The following KCNJ10 variants were observed in gnomAD, a reference collection of about 807,000 sequenced individuals.
KCNJ10 encodes the protein potassium inwardly rectifying channel subfamily J member 10.
Under a neutral mutation model 22.2 loss-of-function variants are expected in KCNJ10, and 9 were observed. The ratio of observed to expected loss-of-function variants is 0.40; its 90% CI spans 0.24 to 0.71. The LOEUF (loss-of-function observed/expected upper bound fraction) is 0.71. Among genes scored for constraint, KCNJ10 ranks in the 30% least tolerant of loss-of-function variants. The pLI, the probability that KCNJ10 is intolerant of heterozygous loss-of-function variation, is 0.35. For missense variants in KCNJ10, 337 were observed against 482.7 expected (o/e 0.70, Z 2.83); for synonymous variants, 184 against 187.3 (o/e 0.98, Z 0.15).
At chr1:160,068,710 G>A (rs561022305) in intron 1 of KCNJ10, among the ~76,000 whole-genome samples, 10 of 152,314 alleles carry the variant, frequency 6.6e-5, no homozygotes, top group Admixed American at 6.5e-4. Context: ...AAATTTACAA[G>A]CCCTACCACT....
intron 1 of KCNJ10, among the ~76,000 whole-genome samples, chr1:160,050,307 T>TC (rs1648870604): frequency 6.6e-6 from 1 of 151,296 alleles, no homozygotes. Flanking sequence ...CTAATTTTTT[T>TC]TTTTTTGTAG....
At chr1:160,054,364 C>G (rs1648975461) in intron 1 of KCNJ10, among the ~76,000 whole-genome samples, 1 of 152,152 alleles carries the variant, frequency 6.6e-6, no homozygotes, top group East Asian at 1.9e-4. Context: ...CCAGCAATCC[C>G]AGTAGCCTCC....
At chr1:160,049,689 A>ATATATATATATATATATATT (rs1557970394) in intron 1 of KCNJ10, among the ~76,000 whole-genome samples, 45 of 108,554 alleles carry the variant, frequency 4.1e-4, no homozygotes, top group Non-Finnish European at 3.0e-4. Context: ...ATATATATAT[A>ATATATATATATATATATATT]TATATATATA....
chr1:160,042,936 C>CAA (rs57965630), intron 1 of KCNJ10, among the ~76,000 whole-genome samples: 12,699 of 136,218 alleles, frequency 0.093, 834 homozygotes, highest in East Asian at 0.3. Context: ...GACTCCGTCT[C>CAA]AAAAAAAAAA....
intron 1 of KCNJ10, among the ~76,000 whole-genome samples, chr1:160,049,691 A>ATATATATATATATATATATT (rs1648848454): frequency 1.6e-4 from 18 of 113,468 alleles, no homozygotes; most frequent in Non-Finnish European, 2.9e-4. Context: ...ATATATATAT[A>ATATATATATATATATATATT]TATATATATA....
intron 1 of KCNJ10, among the ~76,000 whole-genome samples, chr1:160,056,041 C>A: frequency 6.6e-6 from 1 of 152,096 alleles, no homozygotes; most frequent in East Asian, 1.9e-4. Flanking sequence ...ACTAGGTGCC[C>A]AAGCCTTAGA....
intron 1 of KCNJ10, among the ~76,000 whole-genome samples, chr1:160,050,997 G>A (rs988863650): frequency 8.6e-5 from 13 of 151,998 alleles, no homozygotes; most frequent in African/African-American, 2.9e-4. Context: ...AGGCTGGAGT[G>A]CAGTGATGCA....
At chr1:160,049,793 G>C (rs1456233869) in intron 1 of KCNJ10, among the ~76,000 whole-genome samples, 4 of 143,966 alleles carry the variant, frequency 2.8e-5, no homozygotes, top group African/African-American at 5.1e-5. Flanking sequence ...TGAATTAAAA[G>C]TAGGAGGGGA....
Position 160,042,427 on chromosome 1 carries a change from G to A in KCNJ10, c.106C>T (p.Arg36Cys), listed in dbSNP as rs1256202581. Reference sequence around the variant, plus strand: ...ATGTGCTCCATTCTCACGTTGCTGCGACCATCTTTTGTCAGGACTCTCCGC... The same window carrying A: ...ATGTGCTCCATTCTCACGTTGCTGCAACCATCTTTTGTCAGGACTCTCCGC... ...RRRRVLTKDG[R>C]SNVRMEHIAD... Residue 36 changes from arginine (R) to cysteine (C), a missense_variant, in exon 2 of 2, where the codon CGC becomes TGC. Arg to Cys is a radical substitution (Grantham distance 180, BLOSUM62 -3). Coordinates refer to ENST00000644903, the MANE Select transcript of KCNJ10 (RefSeq NM_002241.5). The A allele has an allele frequency of 2.5e-6, 4 of 1,614,194 alleles. No individual in the cohort carries two copies. The highest frequency in any genetic ancestry group is 2.2e-5 in the East Asian group (1 of 44,884).
At chr1:160,069,406 G>A (rs373178018) in intron 1 of KCNJ10, among the ~76,000 whole-genome samples, 4 of 152,320 alleles carry the variant, frequency 2.6e-5, no homozygotes, top group African/African-American at 4.8e-5. Context: ...ATCCCAGTGC[G>A]AAACAGCTGG....
At chr1:160,065,376 G>A (rs893058312) in intron 1 of KCNJ10, among the ~76,000 whole-genome samples, 2 of 152,162 alleles carry the variant, frequency 1.3e-5, no homozygotes, top group Non-Finnish European at 1.5e-5. Flanking sequence ...TTTGCTGGGT[G>A]CCAGAGGGTC....
chr1:160,065,489 A>G (rs1649303479), intron 1 of KCNJ10, among the ~76,000 whole-genome samples: 1 of 152,194 alleles, frequency 6.6e-6, no homozygotes, highest in South Asian at 2.1e-4. Context: ...CAACATCGCC[A>G]TGCATGGAGA....
intron 1 of KCNJ10, among the ~76,000 whole-genome samples, chr1:160,047,103 A>G (rs1241257324): frequency 6.6e-6 from 1 of 152,132 alleles, no homozygotes; most frequent in Non-Finnish European, 1.5e-5. Context: ...TTCTTCCTGA[A>G]GCTGTCTTTT....
chr1:160,065,223 T>C (rs984273627), intron 1 of KCNJ10, among the ~76,000 whole-genome samples: 1 of 152,060 alleles, frequency 6.6e-6, no homozygotes, highest in Non-Finnish European at 1.5e-5. Context: ...AATTAGATAA[T>C]AGGATCCTAT....
chr1:160,046,856 T>C (rs1280733239), intron 1 of KCNJ10, among the ~76,000 whole-genome samples: 1 of 152,114 alleles, frequency 6.6e-6, no homozygotes, highest in South Asian at 2.1e-4. Context: ...TAAAACATAC[T>C]CTTTCCTCTA....
At position 160,038,318 on chromosome 1, in the gene KCNJ10, G is replaced by A. The variant is rs1197782494; in HGVS notation, c.*3075C>T. ...GCGCTACAGTGGCAGGACGCTGCTG[G>A]GGATGGGGACACACAGTGTAAGTGG... On this transcript the variant is annotated 3_prime_UTR_variant, in exon 2 of 2. Transcript: ENST00000644903. 6.6e-6 allele frequency: 1 copy of A among 152,138 alleles called. No individual in the cohort carries two copies. Among genetic ancestry groups the A allele is most frequent in the Non-Finnish European group, 1.5e-5 (1 of 68,030 alleles). The allele number at this position is 152,138 out of a possible 1,614,324, so 9.4% of individuals were successfully genotyped here.
chr1:160,065,180 T>G (rs998710654), intron 1 of KCNJ10: 1 of 152,138 alleles, frequency 6.6e-6, no homozygotes, highest in Non-Finnish European at 1.5e-5. Context: ...GGGTCGTTAG[T>G]AGGAGAGGGG....
chr1:160,049,660 C>T (rs1648828902), intron 1 of KCNJ10, among the ~76,000 whole-genome samples: 1 of 88,086 alleles, frequency 1.1e-5, no homozygotes, highest in Non-Finnish European at 2.3e-5. Context: ...AAGAAGGATC[C>T]AGCATTTTAT....
Position 160,041,052 on chromosome 1 carries a change from A to AG in KCNJ10, c.*340dup. 1 of 367,918 alleles carries AG rather than the reference A, an allele frequency of 2.7e-6. No homozygotes were observed. Among genetic ancestry groups the AG allele is most frequent in the Non-Finnish European group, 5.1e-6 (1 of 196,886 alleles). 22.8% of individuals were successfully genotyped at this position (367,918 alleles called of 1,614,324 possible). On this transcript the variant is annotated 3_prime_UTR_variant, in exon 2 of 2. Transcript: ENST00000644903. The surrounding 1 kb of genome is among the most constrained non-coding windows in gnomAD (Gnocchi z 4.4). ...AAACTTCATGGTGGTGGTGGGAGGT[A>AG]GGGGGCAGTCTATCCTTCCAACCAC... is the stretch of plus-strand genomic sequence containing the variant.
Sources: allele counts gnomAD v4.1 joint callset (sites outside exome capture counted in the v4.1 genomes callset), GRCh38; gene constraint gnomAD v4.1.1; non-coding constraint Gnocchi (gnomAD v3.1); transcripts MANE v1.5; gene names NCBI Gene and HGNC (gene_info 2026-07-23, HGNC 2026-07-21).